The following GALNT9 variants were observed in gnomAD, a reference collection of about 807,000 sequenced individuals.
The protein encoded by GALNT9 is GalNAc transferase 9.
In GALNT9, 47 loss-of-function variants were observed where a neutral mutation model predicts 63.1. The observed-to-expected ratio is 0.75, with a 90% confidence interval of 0.59 to 0.95. GALNT9 has a LOEUF of 0.95. Ranked by LOEUF, GALNT9 falls within the 40% of genes least tolerant of loss-of-function variation. GALNT9 has a pLI of 0.00. For synonymous variants in GALNT9, 396 were observed against 365.7 expected, an observed-to-expected ratio of 1.08 and a Z score of -0.94; for missense variants, 829 against 874.8, an observed-to-expected ratio of 0.95 and a Z score of 0.66.
At chr12:132,328,702 C>A (rs1438352387) in intron 1 of GALNT9, among the ~76,000 whole-genome samples, 2 of 152,230 alleles carry the variant, frequency 1.3e-5, no homozygotes, top group Admixed American at 6.5e-5. Flanking sequence ...GAAGTTCCCT[C>A]GGAGAGCAAG....
At position 132,219,466 on chromosome 12, in the gene GALNT9, A is replaced by T. The variant is rs11247013; in HGVS notation, c.1078-15776T>A. ...TGAGGCTCTGGGGACCATCGGCGGG[A>T]CAGGTGCCGGGCGTGTGGCTCTGAT... On this transcript the variant is annotated intron_variant, in intron 6 of 10. Transcript: ENST00000328957. Among the ~76,000 whole-genome samples, 667 of 152,240 alleles carry T rather than the reference A, an allele frequency of 4.4e-3. 17 individuals carry two copies. The East Asian group carries it at 0.065, about 15-fold the overall frequency.
chr12:132,303,056 G>A (rs539507194), intron 1 of GALNT9, among the ~76,000 whole-genome samples: 4 of 147,410 alleles, frequency 2.7e-5, no homozygotes, highest in East Asian at 1.9e-4. Context: ...CATGGAAGAC[G>A]CGGTTTCCCA....
At chr12:132,221,081 C>T (rs573733431) in intron 6 of GALNT9, among the ~76,000 whole-genome samples, 32 of 125,836 alleles carry the variant, frequency 2.5e-4, no homozygotes, top group East Asian at 2.2e-3. Context: ...AAGGTCTGGG[C>T]GCGATGGCTC....
At chr12:132,223,349 C>CACACCCCACAT (rs1877552810) in intron 6 of GALNT9, among the ~76,000 whole-genome samples, 4 of 4 alleles carry the variant, frequency 1, 2 homozygotes, top group Non-Finnish European at 1. Context: ...CCACACAACC[C>CACACCCCACAT]ACACCCCACA....
intron 6 of GALNT9, among the ~76,000 whole-genome samples, chr12:132,216,101 GA>G (rs1398362492): frequency 1.4e-5 from 2 of 146,210 alleles, no homozygotes; most frequent in Non-Finnish European, 2.9e-5. Flanking sequence ...AACAGAGACA[GA>G]AAGATACAGA....
intron 5 of GALNT9, among the ~76,000 whole-genome samples, chr12:132,256,394 C>T (rs1374484912): frequency 4.6e-5 from 7 of 151,876 alleles, no homozygotes; most frequent in African/African-American, 1.5e-4. Context: ...CTAAGTATTC[C>T]GTGATGTGGG....
intron 6 of GALNT9, among the ~76,000 whole-genome samples, chr12:132,211,127 A>G (rs28760403): frequency 0.035 from 5,269 of 152,166 alleles, 282 homozygotes; most frequent in African/African-American, 0.12. Context: ...ATTGGGCTGC[A>G]AAGTTTTGCC....
chr12:132,309,764 C>T (rs1461485194), intron 1 of GALNT9, among the ~76,000 whole-genome samples: 1 of 152,208 alleles, frequency 6.6e-6, no homozygotes, highest in Non-Finnish European at 1.5e-5. Context: ...TACAGCCACC[C>T]GGTCTGTGGT....
At chr12:132,255,813 C>T (rs28679322) in intron 5 of GALNT9, among the ~76,000 whole-genome samples, 142,447 of 152,306 alleles carry the variant, frequency 0.94, 66,826 homozygotes, top group Non-Finnish European at 0.97. Context: ...GCAGGGGCAC[C>T]GGCCGCGATG....
At position 132,198,453 on chromosome 12, in the gene GALNT9, GGCCTGT is replaced by G. The variant is rs68095670; in HGVS notation, c.1498-500_1498-495del. Among the ~76,000 whole-genome samples the G allele has an allele frequency of 1.5e-4, 23 of 151,668 alleles. 1 individual carries two copies. The highest frequency in any genetic ancestry group is 8.3e-4 in the South Asian group (4 of 4,802). ...GGGGCTGGGGCTGGGGCTGGGCCTGGGCCTGTGCTGCAGGTGAGTCCTGCCCAGGTG... is the reference window on the plus strand; with the variant it reads ...GGGGCTGGGGCTGGGGCTGGGCCTGGGCTGCAGGTGAGTCCTGCCCAGGTG... On this transcript the variant is annotated intron_variant, in intron 9 of 10. Transcript: ENST00000328957.
chr12:132,306,039 C>T (rs1410524080), intron 1 of GALNT9, among the ~76,000 whole-genome samples: 1 of 152,198 alleles, frequency 6.6e-6, no homozygotes, highest in Non-Finnish European at 1.5e-5. Flanking sequence ...AGACTCAAGA[C>T]AGTGGCTCCC....
Position 132,247,890 on chromosome 12 carries a change from G to C in GALNT9, c.1077+20C>G. Reference sequence around the variant, plus strand: ...CTCACTCGCCCTCACCCTGTCCCTGGACACCGGGGCCGCACTCACCCTCAT... The same window carrying C: ...CTCACTCGCCCTCACCCTGTCCCTGCACACCGGGGCCGCACTCACCCTCAT... On this transcript the variant is annotated intron_variant, in intron 6 of 10. Transcript: ENST00000328957. 6.4e-7 allele frequency: 1 copy of C among 1,550,950 alleles called. No homozygotes were observed. Among genetic ancestry groups the C allele is most frequent in the Non-Finnish European group, 8.7e-7 (1 of 1,146,856 alleles).
rs1404479593 is a variant in GALNT9 at position 132,252,333 on chromosome 12, C to T, written c.960-4306G>A. Among the ~76,000 whole-genome samples, 5 of 152,340 alleles carry T rather than the reference C, an allele frequency of 3.3e-5. No homozygotes were observed. The highest frequency in any genetic ancestry group is 4.1e-4 in the South Asian group (2 of 4,826). ...GCATCCCCGCCACGACTGAAGCCTT[C>T]GTGTCTTGCGGACGCCGACACTGAC... On this transcript the variant is annotated intron_variant, in intron 5 of 10. Coordinates refer to ENST00000328957, the MANE Select transcript of GALNT9 (RefSeq NM_001122636.2). The surrounding 1 kb of genome is among the most constrained non-coding windows in gnomAD (Gnocchi z 5.2).
At chr12:132,317,490 G>A (rs782472819) in intron 1 of GALNT9, among the ~76,000 whole-genome samples, 38 of 152,338 alleles carry the variant, frequency 2.5e-4, no homozygotes, top group Non-Finnish European at 4.7e-4. Context: ...ACCTCACCAA[G>A]GAGACCTGCG....
At chr12:132,264,282 CGT>C (rs1491326454) in intron 2 of GALNT9, among the ~76,000 whole-genome samples, 1 of 152,224 alleles carries the variant, frequency 6.6e-6, no homozygotes, top group African/African-American at 2.4e-5. Context: ...CGCGGAGAAG[CGT>C]GTGAGGAGCC....
rs1555245042 is a variant in GALNT9 at position 132,310,056 on chromosome 12, G to A, written c.238+18910C>T. ...TCTGAGAAATATGTCTAAAAAAGGAGACTGCTGGAATCTGAGGTTTTCACC... is the reference window on the plus strand; with the variant it reads ...TCTGAGAAATATGTCTAAAAAAGGAAACTGCTGGAATCTGAGGTTTTCACC... On this transcript the variant is annotated intron_variant, in intron 1 of 10. Coordinates refer to ENST00000328957, the MANE Select transcript of GALNT9 (RefSeq NM_001122636.2). The surrounding 1 kb of genome is among the most constrained non-coding windows in gnomAD (Gnocchi z 4.8). Among the ~76,000 whole-genome samples the A allele has an allele frequency of 6.6e-6, 1 of 152,244 alleles. No homozygotes were observed. The highest frequency in any genetic ancestry group is 2.1e-4 in the South Asian group (1 of 4,834).
intron 1 of GALNT9, among the ~76,000 whole-genome samples, chr12:132,306,213 A>G (rs1881607380): frequency 6.6e-6 from 1 of 152,202 alleles, no homozygotes; most frequent in African/African-American, 2.4e-5. Context: ...CCGCCTGCGG[A>G]GTGTGAGGGC....
At chr12:132,288,849 C>T (rs1458103949) in intron 1 of GALNT9, among the ~76,000 whole-genome samples, 3 of 140,832 alleles carry the variant, frequency 2.1e-5, no homozygotes, top group African/African-American at 8.1e-5. Context: ...GCCCGATGCC[C>T]GGCGTTGGAC....
At chr12:132,240,710 G>A (rs2136899272) in intron 6 of GALNT9, 11 of 455,664 alleles carry the variant, frequency 2.4e-5, no homozygotes, top group South Asian at 7.7e-5. Context: ...ACCTTATCTT[G>A]CTGGAACCCT....
Sources: allele counts gnomAD v4.1 joint callset (sites outside exome capture counted in the v4.1 genomes callset), GRCh38; gene constraint gnomAD v4.1.1; non-coding constraint Gnocchi (gnomAD v3.1); transcripts MANE v1.5; gene names NCBI Gene and HGNC (gene_info 2026-07-23, HGNC 2026-07-21).